The following DIAPH2 variants were observed in gnomAD, a reference collection of about 807,000 sequenced individuals.
DIAPH2 encodes diaphanous related formin 2, also known as protein diaphanous homolog 2.
A neutral mutation model predicts 92.7 loss-of-function variants in DIAPH2; 35 were observed. That is an observed-to-expected ratio of 0.38 (90% CI 0.29 to 0.50). The LOEUF (loss-of-function observed/expected upper bound fraction) is 0.50. DIAPH2 is among the 20% of genes least tolerant of loss of function. DIAPH2 has a pLI of 0.94. For missense variants in DIAPH2, 701 were observed against 819.5 expected, an observed-to-expected ratio of 0.86 and a Z score of 1.77; for synonymous variants, 301 against 280.4, an observed-to-expected ratio of 1.07 and a Z score of -0.73.
At chrX:96,717,348 A>G (rs978858717) in intron 1 of DIAPH2, among the ~76,000 whole-genome samples, 14 of 110,607 alleles carry the variant, frequency 1.3e-4, no homozygotes, top group African/African-American at 2.6e-4. Context: ...TGTTCTATCA[A>G]TTATTGAGAG....
intron 17 of DIAPH2, among the ~76,000 whole-genome samples, chrX:97,007,763 T>C (rs1274421620): frequency 0.014 from 1,307 of 92,890 alleles, 31 homozygotes; most frequent in African/African-American, 0.049. Flanking sequence ...CTTTTTTTCT[T>C]TTTTTTTTTT....
At chrX:96,707,865 C>T (rs1235298670) in intron 1 of DIAPH2, among the ~76,000 whole-genome samples, 1 of 111,420 alleles carries the variant, frequency 9.0e-6, no homozygotes, top group Non-Finnish European at 1.9e-5. Context: ...TAGGAGCATG[C>T]TGTATTCTAA....
At chrX:97,178,360 A>G (rs1250541145) in intron 22 of DIAPH2, among the ~76,000 whole-genome samples, 1 of 110,113 alleles carries the variant, frequency 9.1e-6, no homozygotes, top group East Asian at 2.8e-4. Flanking sequence ...GGTTATTATT[A>G]CTAATTTTTA....
At chrX:96,890,474 C>T (rs951094382) in intron 5 of DIAPH2, among the ~76,000 whole-genome samples, 5 of 111,305 alleles carry the variant, frequency 4.5e-5, no homozygotes, top group Non-Finnish European at 7.5e-5. Flanking sequence ...CCTTTAAATA[C>T]GGATGAAAGC....
chrX:97,059,955 A>G (rs1349791093), intron 17 of DIAPH2, among the ~76,000 whole-genome samples: 6 of 112,473 alleles, frequency 5.3e-5, no homozygotes, highest in Non-Finnish European at 1.1e-4. Flanking sequence ...TCTGGAATCT[A>G]TGTTTTTTAA....
intron 5 of DIAPH2, among the ~76,000 whole-genome samples, chrX:96,905,375 G>A (rs1032069190): frequency 9.0e-6 from 1 of 111,384 alleles, no homozygotes; most frequent in Middle Eastern, 4.2e-3. Context: ...ATGGGAGAAA[G>A]GTTGAGGTTT....
intron 4 of DIAPH2, among the ~76,000 whole-genome samples, chrX:96,870,093 CAGTT>C (rs1226632781): frequency 1.8e-5 from 2 of 111,110 alleles, no homozygotes; most frequent in Non-Finnish European, 3.8e-5. Flanking sequence ...TTGCTTCTGA[CAGTT>C]AGATATAGTC....
chrX:96,709,131 C>T (rs1262275517), intron 1 of DIAPH2, among the ~76,000 whole-genome samples: 1 of 112,213 alleles, frequency 8.9e-6, no homozygotes, highest in East Asian at 2.8e-4. Context: ...ACAATTTGAT[C>T]ACTGAGGTAA....
intron 23 of DIAPH2, among the ~76,000 whole-genome samples, chrX:97,309,501 G>C (rs1458146735): frequency 2.7e-5 from 3 of 111,881 alleles, no homozygotes; most frequent in Non-Finnish European, 5.6e-5. Context: ...TACTCCATGG[G>C]CTTTAGCGGT....
At chrX:96,896,785 G>A (rs1279213274) in intron 5 of DIAPH2, among the ~76,000 whole-genome samples, 1 of 111,872 alleles carries the variant, frequency 8.9e-6, no homozygotes, top group Non-Finnish European at 1.9e-5. Flanking sequence ...TCTGAAAATA[G>A]GTACAAGTCA....
At chrX:96,884,492 A>T in intron 5 of DIAPH2, 1 of 1,210,900 alleles carries the variant, frequency 8.3e-7, no homozygotes, top group African/African-American at 1.7e-5. Context: ...ACTGTGTTTG[A>T]CCCTGTGTTC....
At chrX:97,327,919 A>G (rs2147663405) in intron 23 of DIAPH2, among the ~76,000 whole-genome samples, 1 of 112,125 alleles carries the variant, frequency 8.9e-6, no homozygotes, top group South Asian at 3.7e-4. Flanking sequence ...TTTCCCTGAT[A>G]CTTTGGCTTT....
At chrX:97,149,121 T>G (rs1000627621) in intron 22 of DIAPH2, among the ~76,000 whole-genome samples, 1 of 111,833 alleles carries the variant, frequency 8.9e-6, no homozygotes, top group African/African-American at 3.2e-5. Context: ...AATCTTTGAG[T>G]TTTTTAGTAA....
At chrX:97,438,873 A>G (rs937497281) in intron 26 of DIAPH2, among the ~76,000 whole-genome samples, 25 of 112,019 alleles carry the variant, frequency 2.2e-4, no homozygotes, top group Admixed American at 2.2e-3. Flanking sequence ...GCCAAATTTT[A>G]CTTTCAAATA....
At chrX:97,346,146 C>T (rs2069154120) in intron 23 of DIAPH2, among the ~76,000 whole-genome samples, 1 of 111,187 alleles carries the variant, frequency 9.0e-6, no homozygotes, top group Non-Finnish European at 1.9e-5. Context: ...ACTTAATTTT[C>T]TAGAACATAC....
At chrX:97,310,593 A>G (rs1418758974) in intron 23 of DIAPH2, among the ~76,000 whole-genome samples, 1 of 111,699 alleles carries the variant, frequency 9.0e-6, no homozygotes, top group Non-Finnish European at 1.9e-5. Flanking sequence ...TGTTCCAGGA[A>G]AAGTAAAAGT....
intron 24 of DIAPH2, among the ~76,000 whole-genome samples, chrX:97,349,082 A>ATTT (rs201110907): frequency 1.2e-5 from 1 of 86,138 alleles, no homozygotes; most frequent in African/African-American, 4.8e-5. Context: ...ATATATATAT[A>ATTT]TTTTTTTTTT....
intron 26 of DIAPH2, among the ~76,000 whole-genome samples, chrX:97,439,099 A>G (rs1349623203): frequency 9.0e-6 from 1 of 111,400 alleles, no homozygotes; most frequent in Non-Finnish European, 1.9e-5. Context: ...TCTTGAGTTA[A>G]CAGGGTAGAA....
chrX:97,370,831 C>G (rs1008718144), intron 24 of DIAPH2, among the ~76,000 whole-genome samples: 6 of 111,813 alleles, frequency 5.4e-5, no homozygotes, highest in African/African-American at 1.6e-4. Context: ...TCATTTGATT[C>G]AGAGGTTAAT....
Sources: gnomAD v4.1 joint callset for allele counts (sites outside exome capture counted in the v4.1 genomes callset) on GRCh38, gnomAD v4.1.1 for gene constraint, MANE v1.5 for transcripts, NCBI Gene and HGNC (gene_info 2026-07-23, HGNC 2026-07-21) for gene names.